Variants in IGF2R observed in about 807,000 individuals in gnomAD.
IGF2R encodes the protein insulin like growth factor 2 receptor.
A neutral mutation model predicts 270.6 loss-of-function variants in IGF2R; 91 were observed. The ratio of observed to expected loss-of-function variants is 0.34; its 90% CI spans 0.28 to 0.40. The LOEUF is 0.40. Among genes scored for constraint, IGF2R ranks in the 10% least tolerant of loss-of-function variants. The pLI is 1.00. For synonymous variants in IGF2R, 1,316 were observed against 1,258.9 expected (o/e 1.05, Z -0.96); for missense variants, 2,805 against 3,188.3 (o/e 0.88, Z 2.90).
chr6:160,016,872 TAGTCAA>T (rs1777311864), intron 4 of IGF2R, among the ~76,000 whole-genome samples: 1 of 152,230 alleles, frequency 6.6e-6, no homozygotes, highest in African/African-American at 2.4e-5. Flanking sequence ...GGGAACCCTC[TAGTCAA>T]AGCAAAAGTA....
chr6:160,028,863 A>T (rs1777625994), intron 6 of IGF2R, among the ~76,000 whole-genome samples: 1 of 151,394 alleles, frequency 6.6e-6, no homozygotes, highest in Admixed American at 6.6e-5. Flanking sequence ...CTCATTTACA[A>T]CCGTTTTTTG....
chr6:160,042,896 C>T (rs959385124), intron 11 of IGF2R, among the ~76,000 whole-genome samples: 1 of 151,988 alleles, frequency 6.6e-6, no homozygotes, highest in African/African-American at 2.4e-5. Context: ...TCTCTGTCCC[C>T]CAGTTGGGCC....
chr6:159,970,953 T>G (rs1783599984), intron 1 of IGF2R, among the ~76,000 whole-genome samples: 1 of 152,076 alleles, frequency 6.6e-6, no homozygotes, highest in Admixed American at 6.6e-5. Context: ...GGTGGCACAC[T>G]CCTGTCCTCC....
intron 1 of IGF2R, among the ~76,000 whole-genome samples, chr6:159,970,790 T>C (rs1783597532): frequency 6.6e-6 from 1 of 152,200 alleles, no homozygotes; most frequent in African/African-American, 2.4e-5. Flanking sequence ...AAATAAGAAA[T>C]TAACTCGCCT....
At chr6:160,062,461 C>T (rs545900975) in intron 25 of IGF2R, 71 bp from the exon 26 acceptor site, 67 of 1,209,054 alleles carry the variant, frequency 5.5e-5, no homozygotes, top group Middle Eastern at 1.9e-4. Flanking sequence ...TGTGAGCCAC[C>T]GTGCCCGGCC....
intron 45 of IGF2R, among the ~76,000 whole-genome samples, chr6:160,099,579 G>A (rs1335520815): frequency 3.9e-5 from 6 of 152,132 alleles, no homozygotes; most frequent in African/African-American, 1.4e-4. Flanking sequence ...GTGTTAGCCA[G>A]GTTGATCTCG....
chr6:160,042,076 C>T (rs555376509), intron 11 of IGF2R, among the ~76,000 whole-genome samples: 5 of 152,176 alleles, frequency 3.3e-5, no homozygotes, highest in East Asian at 1.9e-4. Flanking sequence ...TTTCAATCTA[C>T]AGACTTCCTG....
At chr6:160,097,494 T>C (rs4709398) in intron 45 of IGF2R, among the ~76,000 whole-genome samples, 16,986 of 152,172 alleles carry the variant, frequency 0.11, 1,157 homozygotes, top group Middle Eastern at 0.22. Flanking sequence ...TATGCCCTGC[T>C]AATTTTTGTA....
intron 41 of IGF2R, among the ~76,000 whole-genome samples, chr6:160,085,713 G>GT (rs1054380562): frequency 2.0e-5 from 3 of 152,214 alleles, no homozygotes; most frequent in African/African-American, 7.2e-5. Flanking sequence ...TTAGGCTGGA[G>GT]TGGGGTTTCC....
intron 12 of IGF2R, 35 bp from the exon 13 acceptor site, chr6:160,044,479 C>T: frequency 6.6e-7 from 1 of 1,520,530 alleles, no homozygotes. Flanking sequence ...TCATTTTTAA[C>T]CACATCTTCT....
intron 4 of IGF2R, among the ~76,000 whole-genome samples, chr6:160,012,788 TTTG>T (rs1784359290): frequency 6.8e-6 from 1 of 148,106 alleles, no homozygotes; most frequent in Non-Finnish European, 1.5e-5. Flanking sequence ...TGTTTGTTTG[TTTG>T]TTTATTTGTT....
chr6:159,992,658 G>T (rs189044855), intron 2 of IGF2R, among the ~76,000 whole-genome samples: 1 of 151,740 alleles, frequency 6.6e-6, no homozygotes, highest in Non-Finnish European at 1.5e-5. Context: ...TTGTTATCCA[G>T]TCATCCATTG....
chr6:160,075,490 A>T (rs1470124020), intron 35 of IGF2R, among the ~76,000 whole-genome samples: 1 of 152,150 alleles, frequency 6.6e-6, no homozygotes, highest in Non-Finnish European at 1.5e-5. Context: ...TAGCATCCTT[A>T]GAGGTTTTTC....
chr6:160,046,772 T>C (rs1161012007), intron 15 of IGF2R, 127 bp downstream of exon 15: 6 of 1,035,012 alleles, frequency 5.8e-6, no homozygotes, highest in African/African-American at 1.6e-5. Context: ...TGATGAGACC[T>C]GGTCTGAAAA....
At position 160,090,057 on chromosome 6, in the gene IGF2R, C is replaced by T; in HGVS notation, c.6609C>T (p.Phe2203=). Residue 2203 remains phenylalanine (F), a synonymous_variant, in exon 44 of 48, where the codon TTC becomes TTT. Transcript: ENST00000356956. ...AGGTGAAGCCCAACGATCAGCACTTCAGTCGGAAAGTTGGAACCTCTGACA... is the reference window on the plus strand; with the variant it reads ...AGGTGAAGCCCAACGATCAGCACTTTAGTCGGAAAGTTGGAACCTCTGACA... The part of the protein sequence containing the change: ...ICQVKPNDQH[F]SRKVGTSDKT... 6.3e-7 allele frequency: 1 copy of T among 1,589,784 alleles called. No homozygotes were observed. Among genetic ancestry groups the T allele is most frequent in the Non-Finnish European group, 8.6e-7 (1 of 1,167,912 alleles).
chr6:160,001,637 A>G (rs908504522), intron 2 of IGF2R, among the ~76,000 whole-genome samples: 15 of 152,178 alleles, frequency 9.9e-5, no homozygotes, highest in African/African-American at 3.1e-4. Flanking sequence ...TAAGACCTCA[A>G]TGCTGGTTTA....
At position 159,978,143 on chromosome 6, in the gene IGF2R, T is replaced by C. The variant is rs145912855; in HGVS notation, c.149+8748T>C. Among the ~76,000 whole-genome samples, 478 of 152,294 alleles carry C rather than the reference T, an allele frequency of 3.1e-3. 3 individuals carry two copies. Among genetic ancestry groups the C allele is most frequent in the African/African-American group, 0.011 (465 of 41,552 alleles). Reference sequence around the variant, plus strand: ...AACCAGAGAGCATTTCTTCTTCATCTGTTTCATGATTGGCACTCCACGTAA... The same window carrying C: ...AACCAGAGAGCATTTCTTCTTCATCCGTTTCATGATTGGCACTCCACGTAA... On this transcript the variant is annotated intron_variant, in intron 1 of 47. Transcript: ENST00000356956.
At chr6:160,058,194 C>A in intron 21 of IGF2R, 70 bp downstream of exon 21, 3 of 997,080 alleles carry the variant, frequency 3.0e-6, no homozygotes, top group Non-Finnish European at 4.8e-6. Context: ...AAGTCACCTG[C>A]ACGTGGTGAT....
chr6:160,096,508 C>T lies in IGF2R; in HGVS notation c.6725C>T (p.Ser2242Phe). Residue 2242 changes from serine (S) to phenylalanine (F), a missense_variant, in exon 45 of 48, where the codon TCC becomes TTC. Coordinates refer to ENST00000356956, the MANE Select transcript of IGF2R (RefSeq NM_000876.4). ...CGKDKTKSVS[S>F]TIFFHCDPLV... ...AAGGATAAGACCAAGTCTGTTTCTTCCACCATCTTCTTCCACTGTGACCCT... is the reference window on the plus strand; with the variant it reads ...AAGGATAAGACCAAGTCTGTTTCTTTCACCATCTTCTTCCACTGTGACCCT... The T allele has an allele frequency of 6.2e-7, 1 of 1,614,168 alleles. No homozygotes were observed. The highest frequency in any genetic ancestry group is 1.3e-5 in the African/African-American group (1 of 75,046).
Sources: allele counts gnomAD v4.1 joint callset (sites outside exome capture counted in the v4.1 genomes callset), GRCh38; gene constraint gnomAD v4.1.1; transcripts MANE v1.5; gene names NCBI Gene and HGNC (gene_info 2026-07-23, HGNC 2026-07-21).